DNAJC11: variants seen among roughly 807,000 people sequenced by gnomAD.
DNAJC11 encodes DnaJ heat shock protein family (Hsp40) member C11.
A neutral mutation model predicts 78.6 loss-of-function variants in DNAJC11; 15 were observed. That is an observed-to-expected ratio of 0.19 (90% CI 0.13 to 0.29). The LOEUF (loss-of-function observed/expected upper bound fraction) is 0.29, where lower values mean the gene tolerates loss of function less well. Among genes scored for constraint, DNAJC11 ranks in the 10% least tolerant of loss-of-function variants. DNAJC11 has a pLI of 1.00. For missense variants in DNAJC11, 547 were observed against 709.6 expected (o/e 0.77, Z 2.60); for synonymous variants, 292 against 272.1 (o/e 1.07, Z -0.72).
chr1:6,672,481 T>C (rs1642395387), intron 3 of DNAJC11, among the ~76,000 whole-genome samples: 1 of 152,246 alleles, frequency 6.6e-6, no homozygotes, highest in Non-Finnish European at 1.5e-5. Context: ...CATTCTGTGA[T>C]GAATTACGAA....
Position 6,645,678 on chromosome 1 carries a change from G to C in DNAJC11, c.894+111C>G. 7.8e-7 allele frequency: 1 copy of C among 1,288,140 alleles called. No individual in the cohort carries two copies. The highest frequency in any genetic ancestry group is 1.1e-6 in the Non-Finnish European group (1 of 913,980). The allele number at this position is 1,288,140 out of a possible 1,614,324, so 79.8% of individuals were successfully genotyped here. ...GCCTGCCCCTCAGGGCCCTGTATGG[G>C]CTTAGACTTAGTGGTGATCAGGACG... is the stretch of plus-strand genomic sequence containing the variant. On this transcript the variant is annotated intron_variant, in intron 8 of 15. Transcript: ENST00000377577. The surrounding 1 kb of genome is among the most constrained non-coding windows in gnomAD (Gnocchi z 4.1).
chr1:6,665,572 G>C (rs1251496062), intron 4 of DNAJC11, among the ~76,000 whole-genome samples: 1 of 152,212 alleles, frequency 6.6e-6, no homozygotes, highest in African/African-American at 2.4e-5. Context: ...GCAGTTTTAT[G>C]GAAGTAGCAA....
At chr1:6,654,223 T>A (rs1642096142) in intron 4 of DNAJC11, 184 bp from the exon 5 acceptor site, 1 of 576,098 alleles carries the variant, frequency 1.7e-6, no homozygotes, top group Admixed American at 3.3e-5. Context: ...CGAACCAAAC[T>A]GCAGAGCACC....
intron 2 of DNAJC11, among the ~76,000 whole-genome samples, chr1:6,679,416 G>A (rs1402298200): frequency 2.6e-5 from 4 of 152,128 alleles, no homozygotes; most frequent in Non-Finnish European, 4.4e-5. Context: ...CTGTTCAAAC[G>A]ATATCCCAAC....
At chr1:6,688,754 A>G (rs1212065368) in intron 1 of DNAJC11, among the ~76,000 whole-genome samples, 1 of 152,206 alleles carries the variant, frequency 6.6e-6, no homozygotes, top group Non-Finnish European at 1.5e-5. Flanking sequence ...AGGGGAAAAT[A>G]ATAACAGGCC....
At chr1:6,672,950 G>A (rs1179376026) in intron 3 of DNAJC11, among the ~76,000 whole-genome samples, 1 of 151,980 alleles carries the variant, frequency 6.6e-6, no homozygotes, top group Non-Finnish European at 1.5e-5. Context: ...CCAGAAAACT[G>A]ACTGAGCGGC....
intron 4 of DNAJC11, among the ~76,000 whole-genome samples, chr1:6,667,433 G>T (rs995539428): frequency 3.3e-5 from 5 of 152,066 alleles, no homozygotes; most frequent in African/African-American, 1.2e-4. Flanking sequence ...TCTGCTTGGC[G>T]AAACTCCCAG....
At chr1:6,646,291 C>G (rs1380261476) in intron 7 of DNAJC11, among the ~76,000 whole-genome samples, 2 of 152,074 alleles carry the variant, frequency 1.3e-5, no homozygotes, top group African/African-American at 4.8e-5. Context: ...GGATGGGGGC[C>G]GAGGAGTGCA....
At chr1:6,658,410 C>T (rs1642162600) in intron 4 of DNAJC11, among the ~76,000 whole-genome samples, 1 of 152,136 alleles carries the variant, frequency 6.6e-6, no homozygotes, top group Non-Finnish European at 1.5e-5. Flanking sequence ...ATGGTCACCG[C>T]AATGTATATA....
chr1:6,636,260 A>G lies in DNAJC11; in HGVS notation c.1525-14T>C. The G allele has an allele frequency of 6.2e-7, 1 of 1,613,322 alleles. No individual in the cohort carries two copies. The highest frequency in any genetic ancestry group is 1.1e-5 in the South Asian group (1 of 91,064). ...AGGCAGCCCAGCCTGTAACAAACAA[A>G]TTGCTACTCTCAATACTCCAGACGG... On this transcript the variant is annotated splice_polypyrimidine_tract_variant and intron_variant, in intron 14 of 15. Coordinates refer to ENST00000377577, the MANE Select transcript of DNAJC11 (RefSeq NM_018198.4).
chr1:6,698,876 G>A (rs1046208100), intron 1 of DNAJC11, among the ~76,000 whole-genome samples: 1 of 150,220 alleles, frequency 6.7e-6, no homozygotes, highest in Non-Finnish European at 1.5e-5. Context: ...GGGGAAGGTC[G>A]AGGCTGCTAT....
At chr1:6,697,276 G>T (rs1459650151) in intron 1 of DNAJC11, among the ~76,000 whole-genome samples, 1 of 152,144 alleles carries the variant, frequency 6.6e-6, no homozygotes, top group Non-Finnish European at 1.5e-5. Context: ...GAGAACGGGG[G>T]GTCCTTTCCA....
In DNAJC11 at chr1:6,645,630, T is replaced by C. The variant is rs909776894; in HGVS notation, c.894+159A>G. ...TTTCATACTCGAAGGTTCCACCAGG[T>C]CACTCGAGTGTGAGCACCGAGAGCC... On this transcript the variant is annotated intron_variant, in intron 8 of 15. Coordinates refer to ENST00000377577, the MANE Select transcript of DNAJC11 (RefSeq NM_018198.4). This position sits in a 1 kb window ranked among gnomAD's most constrained non-coding sequence, Gnocchi z 4.1. Among the ~76,000 whole-genome samples the C allele has an allele frequency of 6.6e-6, 1 of 152,152 alleles. No homozygotes were observed. The highest frequency in any genetic ancestry group is 1.5e-5 in the Non-Finnish European group (1 of 68,022).
chr1:6,679,582 C>T (rs1421792930), intron 2 of DNAJC11, among the ~76,000 whole-genome samples: 1 of 152,196 alleles, frequency 6.6e-6, no homozygotes, highest in Non-Finnish European at 1.5e-5. Flanking sequence ...ATAAATGATA[C>T]TATGCATAAT....
At chr1:6,635,791 C>T (rs1278949289) in intron 15 of DNAJC11, 91 bp from the exon 16 acceptor site, 2 of 1,506,136 alleles carry the variant, frequency 1.3e-6, no homozygotes, top group Admixed American at 1.8e-5. Context: ...CCCGGACCAG[C>T]AGCTGGCTGG....
At chr1:6,650,338 G>A (rs949454108) in intron 7 of DNAJC11, among the ~76,000 whole-genome samples, 1 of 152,132 alleles carries the variant, frequency 6.6e-6, no homozygotes, top group African/African-American at 2.4e-5. Context: ...GGCCAAGGTG[G>A]GAGGACTGCT....
chr1:6,645,218 G>C lies in DNAJC11; in HGVS notation c.895-92C>G, dbSNP rs1385048081. 2.0e-6 allele frequency: 2 copies of C among 987,724 alleles called. No individual in the cohort carries two copies. Among genetic ancestry groups the C allele is most frequent in the Admixed American group, 3.5e-5 (2 of 57,520 alleles). 61.2% of individuals were successfully genotyped at this position (987,724 alleles called of 1,614,324 possible). A position where few individuals can be genotyped will look rare whatever the true frequency, so the allele number is the denominator to read the frequency against. ...GCCCTCCCACTAGCTCTGGGCATCTGCTGCACACAGGCCTTTAAGGCAGGG... is the reference window on the plus strand; with the variant it reads ...GCCCTCCCACTAGCTCTGGGCATCTCCTGCACACAGGCCTTTAAGGCAGGG... On this transcript the variant is annotated intron_variant, in intron 8 of 15. Coordinates refer to ENST00000377577, the MANE Select transcript of DNAJC11 (RefSeq NM_018198.4). The surrounding 1 kb of genome is among the most constrained non-coding windows in gnomAD (Gnocchi z 4.1).
chr1:6,634,801 G>A lies in DNAJC11; in HGVS notation c.*874C>T. 3 of 1,290,842 alleles carry A rather than the reference G, an allele frequency of 2.3e-6. No individual in the cohort carries two copies. Among genetic ancestry groups the A allele is most frequent in the Non-Finnish European group, 3.1e-6 (3 of 981,676 alleles). 80.0% of individuals were successfully genotyped at this position (1,290,842 alleles called of 1,614,324 possible). Reference sequence around the variant, plus strand: ...CAGTGCCACCTGCTGGGTACCACGGGCCGGGCCTGGGGTCCACGCCTTTGG... The same window carrying A: ...CAGTGCCACCTGCTGGGTACCACGGACCGGGCCTGGGGTCCACGCCTTTGG... On this transcript the variant is annotated 3_prime_UTR_variant, in exon 16 of 16. Coordinates refer to ENST00000377577, the MANE Select transcript of DNAJC11 (RefSeq NM_018198.4).
chr1:6,688,548 AC>A (rs1232166332), intron 1 of DNAJC11, among the ~76,000 whole-genome samples: 2 of 151,992 alleles, frequency 1.3e-5, no homozygotes, highest in African/African-American at 4.8e-5. Flanking sequence ...CCTATTCCCC[AC>A]CCCCCAAAAA....
Sources: allele counts gnomAD v4.1 joint callset (sites outside exome capture counted in the v4.1 genomes callset), GRCh38; gene constraint gnomAD v4.1.1; non-coding constraint Gnocchi (gnomAD v3.1); transcripts MANE v1.5; gene names NCBI Gene and HGNC (gene_info 2026-07-23, HGNC 2026-07-21).